The following CSMD1 variants were observed in gnomAD, a reference collection of about 807,000 sequenced individuals.
The protein encoded by CSMD1 is CUB and sushi domain-containing protein 1.
A neutral mutation model predicts 417.5 loss-of-function variants in CSMD1; 213 were observed. The ratio of observed to expected loss-of-function variants is 0.51; its 90% CI spans 0.46 to 0.57. The LOEUF (loss-of-function observed/expected upper bound fraction) is 0.57. Ranked by LOEUF, CSMD1 falls within the 20% of genes least tolerant of loss-of-function variation. CSMD1 has a pLI of 0.00. For missense variants in CSMD1, 6,923 were observed against 4,529.7 expected, an observed-to-expected ratio of 1.53 and a Z score of -15.17; for synonymous variants, 2,862 against 1,736.8, an observed-to-expected ratio of 1.65 and a Z score of -16.11.
chr8:4,618,298 G>GGCTTATTC (rs111769513), intron 2 of CSMD1, among the ~76,000 whole-genome samples: 12 of 151,208 alleles, frequency 7.9e-5, no homozygotes, highest in Admixed American at 7.9e-4. Flanking sequence ...GCTCAGCCAT[G>GGCTTATTC]TCCCTCATAA....
intron 1 of CSMD1, among the ~76,000 whole-genome samples, chr8:4,764,544 T>G (rs1291851194): frequency 6.6e-6 from 1 of 152,156 alleles, no homozygotes; most frequent in African/African-American, 2.4e-5. Context: ...CTGCCCAAAT[T>G]GGAAACCAGC....
At chr8:4,482,543 T>A (rs1801156036) in intron 2 of CSMD1, among the ~76,000 whole-genome samples, 1 of 152,214 alleles carries the variant, frequency 6.6e-6, no homozygotes, top group Non-Finnish European at 1.5e-5. Context: ...GTGAATAGTG[T>A]TGCAATGAAC....
intron 5 of CSMD1, among the ~76,000 whole-genome samples, chr8:3,782,455 C>G (rs7838414): frequency 6.6e-6 from 1 of 151,920 alleles, no homozygotes; most frequent in Non-Finnish European, 1.5e-5. Flanking sequence ...GCAGTAATGA[C>G]GCATAACATG....
intron 5 of CSMD1, among the ~76,000 whole-genome samples, chr8:3,956,026 C>A (rs879546183): frequency 6.6e-6 from 1 of 152,162 alleles, no homozygotes; most frequent in Non-Finnish European, 1.5e-5. Context: ...AACTCCTGAC[C>A]TCAGGTGATC....
chr8:3,170,505 G>A (rs914085519), intron 37 of CSMD1, among the ~76,000 whole-genome samples: 4 of 152,292 alleles, frequency 2.6e-5, no homozygotes, highest in East Asian at 1.9e-4. Context: ...ACCGTGCCCG[G>A]CCCGAGCTTT....
intron 9 of CSMD1, among the ~76,000 whole-genome samples, chr8:3,580,269 G>C (rs1296462387): frequency 6.6e-6 from 1 of 152,138 alleles, no homozygotes; most frequent in Non-Finnish European, 1.5e-5. Flanking sequence ...AAACTGCTTT[G>C]AAGAAAGGCA....
intron 5 of CSMD1, among the ~76,000 whole-genome samples, chr8:3,902,413 C>G (rs1202185283): frequency 3.9e-5 from 6 of 152,072 alleles, no homozygotes; most frequent in African/African-American, 1.2e-4. Context: ...GCAGCAGTCC[C>G]CATCTTTTTT....
chr8:3,281,980 C>G (rs1802775529), intron 26 of CSMD1, among the ~76,000 whole-genome samples: 1 of 152,128 alleles, frequency 6.6e-6, no homozygotes, highest in Admixed American at 6.5e-5. Context: ...TTCCCCTTCC[C>G]CGGTCGTGGA....
At chr8:3,431,228 C>A (rs1415070683) in intron 12 of CSMD1, among the ~76,000 whole-genome samples, 1 of 152,150 alleles carries the variant, frequency 6.6e-6, no homozygotes, top group East Asian at 1.9e-4. Flanking sequence ...GTCCATGCAA[C>A]AGCTGAAACT....
intron 3 of CSMD1, among the ~76,000 whole-genome samples, chr8:4,202,865 G>C (rs1222219194): frequency 1.3e-5 from 2 of 152,206 alleles, no homozygotes; most frequent in Admixed American, 6.5e-5. Context: ...GCAGGTACCT[G>C]AGAAATAGAG....
intron 3 of CSMD1, among the ~76,000 whole-genome samples, chr8:4,066,565 A>C (rs541309167): frequency 6.6e-6 from 1 of 152,222 alleles, no homozygotes; most frequent in Non-Finnish European, 1.5e-5. Context: ...GACTTGTTAC[A>C]TGATGTGGTA....
chr8:3,743,170 C>G (rs1796898812), intron 6 of CSMD1, among the ~76,000 whole-genome samples: 1 of 152,188 alleles, frequency 6.6e-6, no homozygotes, highest in Admixed American at 6.5e-5. Context: ...CAGCATCTCT[C>G]TACTGTGCTA....
chr8:4,609,533 C>A (rs1028111431), intron 2 of CSMD1, among the ~76,000 whole-genome samples: 1 of 152,188 alleles, frequency 6.6e-6, no homozygotes, highest in East Asian at 1.9e-4. Flanking sequence ...ACTATGCTTT[C>A]TTTATTGTAC....
chr8:3,836,945 G>C (rs1214264622), intron 5 of CSMD1, among the ~76,000 whole-genome samples: 1 of 150,440 alleles, frequency 6.6e-6, no homozygotes, highest in Non-Finnish European at 1.5e-5. Context: ...CACTAAAGTT[G>C]GCAAAAATAA....
At chr8:3,831,356 A>T (rs541458379) in intron 5 of CSMD1, among the ~76,000 whole-genome samples, 3 of 152,166 alleles carry the variant, frequency 2.0e-5, no homozygotes, top group African/African-American at 7.2e-5. Flanking sequence ...TATTAACAGC[A>T]CTTGCAAACT....
chr8:3,760,593 G>A (rs1184811993), intron 5 of CSMD1, among the ~76,000 whole-genome samples: 10 of 152,330 alleles, frequency 6.6e-5, no homozygotes, highest in Admixed American at 4.6e-4. Context: ...ACAGCACTCT[G>A]TATGTATGAC....
chr8:4,181,363 A>ATT (rs1463079137), intron 3 of CSMD1, among the ~76,000 whole-genome samples: 2 of 136,542 alleles, frequency 1.5e-5, no homozygotes, highest in African/African-American at 5.9e-5. Flanking sequence ...TCATTTATTT[A>ATT]TTTATTTTTT....
At chr8:3,175,535 TCTTC>T (rs1820880051) in intron 37 of CSMD1, among the ~76,000 whole-genome samples, 1 of 144,668 alleles carries the variant, frequency 6.9e-6, no homozygotes, top group African/African-American at 2.6e-5. Flanking sequence ...CTTCCTTCCT[TCTTC>T]CCTCCCTCCC....
chr8:3,856,388 T>C (rs1252223770), intron 5 of CSMD1, among the ~76,000 whole-genome samples: 5 of 152,184 alleles, frequency 3.3e-5, no homozygotes. Context: ...ACCTCTTTTC[T>C]TTATAAATTA....
Sources: allele counts gnomAD v4.1 joint callset (sites outside exome capture counted in the v4.1 genomes callset), GRCh38; gene constraint gnomAD v4.1.1; transcripts MANE v1.5; gene names NCBI Gene and HGNC (gene_info 2026-07-23, HGNC 2026-07-21).